The following ALX3 variants were observed in gnomAD, a reference collection of about 807,000 sequenced individuals.
The protein encoded by ALX3 is ALX homeobox 3.
In ALX3, 17 loss-of-function variants were observed where a neutral mutation model predicts 26.3. The observed-to-expected ratio is 0.65, with a 90% CI of 0.44 to 0.97. ALX3 has a LOEUF of 0.97. ALX3 is among the 50% of genes least tolerant of loss of function. The probability of loss-of-function intolerance (pLI) is 0.00; values close to 1 mark genes in which losing one functional copy is unlikely to be tolerated. For synonymous variants in ALX3, 208 were observed against 201.4 expected, an observed-to-expected ratio of 1.03 and a Z score of -0.28; for missense variants, 461 against 466.5, an observed-to-expected ratio of 0.99 and a Z score of 0.11.
Position 110,070,421 on chromosome 1 carries a change from C to G in ALX3, c.192G>C (p.Pro64=). Residue 64 remains proline, a synonymous_variant, in exon 1 of 4, where the codon CCG becomes CCC. Transcript: ENST00000647563. The part of the protein sequence containing the change: ...CGPLEPYLPE[P]AKPPAKYLQD... The stretch of plus-strand genomic sequence containing the variant: ...GCAGGTACTTGGCGGGCGGCTTGGC[C>G]GGCTCTGGGAGGTAGGGCTCCAGGG... 1 of 1,271,170 alleles carries G rather than the reference C, an allele frequency of 7.9e-7. No homozygotes were observed. The highest frequency in any genetic ancestry group is 9.9e-7 in the Non-Finnish European group (1 of 1,010,050). The allele number at this position is 1,271,170 out of a possible 1,614,324, so 78.7% of individuals were successfully genotyped here.
chr1:110,067,790 A>AG (rs1653824283), intron 1 of ALX3, among the ~76,000 whole-genome samples: 1 of 152,218 alleles, frequency 6.6e-6, no homozygotes, highest in South Asian at 2.1e-4. Flanking sequence ...TCAAAGCCAG[A>AG]GTGGACATAA....
At chr1:110,061,807 A>G in intron 2 of ALX3, 3 of 576,038 alleles carry the variant, frequency 5.2e-6, no homozygotes, top group Non-Finnish European at 9.1e-6. Context: ...CCCAGGTTGA[A>G]TCACTGTGGT....
intron 1 of ALX3, among the ~76,000 whole-genome samples, chr1:110,066,940 AAAG>A (rs1476198143): frequency 2.0e-5 from 3 of 152,316 alleles, no homozygotes; most frequent in African/African-American, 7.2e-5. Flanking sequence ...CAGCTTCCCC[AAAG>A]AAGAGGCTAA....
chr1:110,061,876 C>A, intron 2 of ALX3: 2 of 431,478 alleles, frequency 4.6e-6, no homozygotes, highest in Non-Finnish European at 4.3e-6. Context: ...GCCTCAGGGG[C>A]CCTAGGTACT....
chr1:110,068,838 T>C (rs1422505113), intron 1 of ALX3, among the ~76,000 whole-genome samples: 1 of 152,196 alleles, frequency 6.6e-6, no homozygotes, highest in Admixed American at 6.5e-5. Context: ...TCTTTCTCGG[T>C]ATTTCGTTGT....
At chr1:110,061,627 G>T (rs929301500) in intron 2 of ALX3, 64 bp from the exon 3 acceptor site, 7 of 1,605,352 alleles carry the variant, frequency 4.4e-6, no homozygotes, top group Non-Finnish European at 6.0e-6. Context: ...GAGCCTGCTA[G>T]GGAGAGCTGA....
At position 110,061,563 on chromosome 1, in the gene ALX3, C is replaced by T; in HGVS notation, c.595G>A (p.Val199Ile). Residue 199 changes from valine (V) to isoleucine (I), a missense_variant and splice_region_variant, in exon 3 of 4, where the codon GTC becomes ATC. Around this residue, in one of 3 missense-constraint regions of ALX3, gnomAD observed 51 missense variants for 82.4 expected, o/e 0.62. Transcript: ENST00000647563. ...RTDLTEARVQVWFQNRRAKWR... is the reference protein window; with the variant it reads ...RTDLTEARVQIWFQNRRAKWR... The stretch of plus-strand genomic sequence containing the variant: ...TTGGCTCTGCGGTTCTGGAACCAGA[C>T]CTGGGGGCAGGTTGTGGGGGTTTGA... The T allele has an allele frequency of 1.2e-6, 2 of 1,614,152 alleles. No individual in the cohort carries two copies. The highest frequency in any genetic ancestry group is 1.7e-6 in the Non-Finnish European group (2 of 1,180,028).
chr1:110,061,497 G>GC lies in ALX3; in HGVS notation c.660dup (p.Arg221AlafsTer9). ...TCATAGGCAGCCGTGAAGGGGTTCC[G>GC]CCCCTCCTGGATCTTCCCATAACGC... is the stretch of plus-strand genomic sequence containing the variant. On this transcript the variant is annotated frameshift_variant, in exon 3 of 4. Transcript: ENST00000647563. LOFTEE classifies it high-confidence loss of function. The GC allele has an allele frequency of 6.2e-7, 1 of 1,614,204 alleles. No individual in the cohort carries two copies. The highest frequency in any genetic ancestry group is 1.7e-5 in the Admixed American group (1 of 60,034).
chr1:110,068,817 T>G (rs1179491395), intron 1 of ALX3, among the ~76,000 whole-genome samples: 1 of 152,144 alleles, frequency 6.6e-6, no homozygotes, highest in East Asian at 1.9e-4. Context: ...GTCGCTCGCT[T>G]TCTTTGGTTT....
intron 1 of ALX3, among the ~76,000 whole-genome samples, chr1:110,069,265 G>T (rs1287712593): frequency 6.6e-6 from 1 of 152,256 alleles, no homozygotes; most frequent in African/African-American, 2.4e-5. Flanking sequence ...CCACCGCCCC[G>T]GCTGGGCGAA....
At chr1:110,063,104 T>G (rs1220988967) in intron 2 of ALX3, among the ~76,000 whole-genome samples, 1 of 152,172 alleles carries the variant, frequency 6.6e-6, no homozygotes, top group East Asian at 1.9e-4. Context: ...TTCAGGAAGC[T>G]TCTAGACTAG....
intron 2 of ALX3, among the ~76,000 whole-genome samples, chr1:110,063,782 G>C (rs1653711946): frequency 6.6e-6 from 1 of 151,608 alleles, no homozygotes; most frequent in African/African-American, 2.4e-5. Flanking sequence ...CTTCCTCTTG[G>C]GCCAGACTCT....
At chr1:110,061,222 G>A in intron 3 of ALX3, 181 bp from the exon 4 acceptor site, 1 of 1,048,308 alleles carries the variant, frequency 9.5e-7, no homozygotes, top group Non-Finnish European at 1.4e-6. Context: ...CCCTGCCACT[G>A]TTCTCAAAAC....
At chr1:110,062,509 T>C (rs1653673542) in intron 2 of ALX3, 2 of 151,554 alleles carry the variant, frequency 1.3e-5, no homozygotes, top group East Asian at 3.8e-4. Flanking sequence ...TGTCAGCCTC[T>C]AAGCTAAATT....
intron 1 of ALX3, among the ~76,000 whole-genome samples, chr1:110,069,453 G>C (rs2101800064): frequency 6.6e-6 from 1 of 152,358 alleles, no homozygotes; most frequent in South Asian, 2.1e-4. Flanking sequence ...GGGTGCGGCG[G>C]ACGGCCGCAG....
chr1:110,061,148 A>G (rs1653631464), intron 3 of ALX3, 107 bp from the exon 4 acceptor site: 1 of 1,313,784 alleles, frequency 7.6e-7, no homozygotes, highest in Non-Finnish European at 1.1e-6. Flanking sequence ...TTTCCAGGAA[A>G]CCTCCACTTG....
chr1:110,061,366 T>C, intron 3 of ALX3, 69 bp downstream of exon 3: 1 of 1,611,800 alleles, frequency 6.2e-7, no homozygotes, highest in Non-Finnish European at 8.5e-7. Context: ...CCAGGTTTCT[T>C]CAGGCCAGAC....
At chr1:110,068,702 A>G (rs1653846941) in intron 1 of ALX3, among the ~76,000 whole-genome samples, 1 of 150,298 alleles carries the variant, frequency 6.7e-6, no homozygotes, top group Non-Finnish European at 1.5e-5. Flanking sequence ...TTCGTTCCTC[A>G]TTTATTCATT....
At chr1:110,061,348 G>A in intron 3 of ALX3, 87 bp downstream of exon 3, 1 of 1,598,570 alleles carries the variant, frequency 6.3e-7, no homozygotes, top group Non-Finnish European at 8.6e-7. Flanking sequence ...ACAGAACGCT[G>A]ACGCTCTCCA....
Sources: allele counts gnomAD v4.1 joint callset (sites outside exome capture counted in the v4.1 genomes callset), GRCh38; gene constraint gnomAD v4.1.1; regional missense constraint gnomAD v4.1.1; transcripts MANE v1.5; gene names NCBI Gene and HGNC (gene_info 2026-07-23, HGNC 2026-07-21).